Variants in ZNF157 observed in about 807,000 individuals in gnomAD.
The protein encoded by ZNF157 is zinc finger protein 157.
A neutral mutation model predicts 9.4 loss-of-function variants in ZNF157; 8 were observed. That is an observed-to-expected ratio of 0.85 (90% CI 0.50 to 1.53). ZNF157 has a LOEUF of 1.53. ZNF157 is among the 40% of genes most tolerant of loss of function. The pLI is 0.00. For missense variants in ZNF157, 316 were observed against 385.2 expected, an observed-to-expected ratio of 0.82 and a Z score of 1.50; for synonymous variants, 120 against 130.8, an observed-to-expected ratio of 0.92 and a Z score of 0.56.
Position 47,410,357 on chromosome X carries a change from C to T in ZNF157, c.154C>T (p.His52Tyr). 1 of 1,211,503 alleles carries T rather than the reference C, an allele frequency of 8.3e-7. No individual in the cohort carries two copies. The highest frequency in any genetic ancestry group is 1.1e-6 in the Non-Finnish European group (1 of 895,384). ...ACTGGACCCTGCTCAGAGGACCATG[C>T]ACAAGGATGTGATGCTGGAGACCTA... ...HRLDPAQRTM[H>Y]KDVMLETYSN... is the part of the protein sequence containing the mutation. Residue 52 changes from histidine (H) to tyrosine (Y), a missense_variant, in exon 2 of 4, where the codon CAC (histidine) becomes TAC (tyrosine). Physicochemically the swap from His to Tyr is moderately conservative, Grantham distance 83. This residue lies in a region of ZNF157 where 146 missense variants were observed against 183.8 expected (regional missense o/e 0.79). Transcript: ENST00000377073.
At chrX:47,403,408 A>G (rs1248561997) in intron 1 of ZNF157, among the ~76,000 whole-genome samples, 1 of 110,706 alleles carries the variant, frequency 9.0e-6, no homozygotes, top group Non-Finnish European at 1.9e-5. Flanking sequence ...ATCTCGGCTC[A>G]CTGGAACCTC....
chrX:47,406,590 G>A (rs778499788), intron 1 of ZNF157, among the ~76,000 whole-genome samples: 85 of 111,717 alleles, frequency 7.6e-4, no homozygotes, highest in African/African-American at 2.7e-3. Flanking sequence ...GGCTAGGCTG[G>A]TCTTGAACTC....
chrX:47,403,765 G>A (rs1050384280), intron 1 of ZNF157, among the ~76,000 whole-genome samples: 3 of 112,260 alleles, frequency 2.7e-5, no homozygotes, highest in African/African-American at 9.7e-5. Context: ...ACTTGACAAG[G>A]ATTTTAAAGC....
intron 3 of ZNF157, among the ~76,000 whole-genome samples, chrX:47,411,461 C>T (rs1285503733): frequency 9.0e-6 from 1 of 110,770 alleles, no homozygotes; most frequent in Non-Finnish European, 1.9e-5. Context: ...TTTAAACGAC[C>T]TTTCCAGGGC....
intron 1 of ZNF157, among the ~76,000 whole-genome samples, chrX:47,382,002 C>T (rs927019416): frequency 9.0e-6 from 1 of 111,557 alleles, no homozygotes; most frequent in Non-Finnish European, 1.9e-5. Context: ...TTCGGAAAGG[C>T]GGGACAACTT....
In ZNF157 at chrX:47,403,104, T is replaced by TACAC. The variant is rs201573538; in HGVS notation, c.73-7154_73-7151dup. 5.1e-3 allele frequency among the ~76,000 whole-genome samples: 511 copies of TACAC among 100,239 alleles called. 2 individuals carry two copies. The highest frequency in any genetic ancestry group is 0.012 in the African/African-American group (342 of 27,817). The allele number at this position is 100,239 out of a possible 115,157, so 87.0% of individuals were successfully genotyped here. On this transcript the variant is annotated intron_variant, in intron 1 of 3. Transcript: ENST00000377073. The stretch of plus-strand genomic sequence containing the variant: ...GGTGAAACCCTGTCTCTACTGAAAA[T>TACAC]ACACACACACACACACACACAAATT...
At chrX:47,406,033 A>G (rs1043186517) in intron 1 of ZNF157, among the ~76,000 whole-genome samples, 1 of 105,424 alleles carries the variant, frequency 9.5e-6, no homozygotes, top group Admixed American at 1.1e-4. Flanking sequence ...AGTCCATTGT[A>G]TCATTCTTAT....
At chrX:47,370,775 C>T in intron 1 of ZNF157, 35 bp downstream of exon 1, 1 of 1,057,015 alleles carries the variant, frequency 9.5e-7, no homozygotes. Flanking sequence ...TCTATATGTT[C>T]TTTATTTTTT....
intron 1 of ZNF157, 140 bp downstream of exon 1, chrX:47,370,880 G>T (rs190949460): frequency 2.0e-6 from 1 of 499,197 alleles, no homozygotes; most frequent in East Asian, 4.1e-5. Context: ...GTAACATCTC[G>T]TAATACCCAG....
chrX:47,403,360 T>A (rs2055936617), intron 1 of ZNF157, among the ~76,000 whole-genome samples: 1 of 110,421 alleles, frequency 9.1e-6, no homozygotes, highest in African/African-American at 3.3e-5. Flanking sequence ...TGAGATGGGG[T>A]CTCACTCTTG....
rs2055976244 is a variant in ZNF157, at chrX:47,414,226, G to T, written c.*632G>T. On this transcript the variant is annotated 3_prime_UTR_variant, in exon 4 of 4. Coordinates refer to ENST00000377073, the MANE Select transcript of ZNF157 (RefSeq NM_003446.4). ...GGGGTTTCACCATGTTGGCCAGGCT[G>T]GTCTCTAACTCCTGACCTCAGGTGA... 9.0e-6 allele frequency: 1 copy of T among 110,655 alleles called. No homozygotes were observed. Among genetic ancestry groups the T allele is most frequent in the African/African-American group, 3.3e-5 (1 of 30,462 alleles). 9.1% of individuals were successfully genotyped at this position (110,655 alleles called of 1,213,427 possible). A position where few individuals can be genotyped will look rare whatever the true frequency, so the allele number is the denominator to read the frequency against.
chrX:47,410,727 G>A lies in ZNF157; in HGVS notation c.247G>A (p.Glu83Lys). ...GATGATCTTCAAGTTGGAGCGAGGA[G>A]AAGAGCTGTGGATATTAGAGGAGGA... is the stretch of plus-strand genomic sequence containing the variant. The part of the protein sequence containing the change: ...PEMIFKLERG[E>K]ELWILEEESS... Residue 83 changes from glutamate (E) to lysine (K), a missense_variant, in exon 3 of 4, where the codon GAA becomes AAA. Physicochemically the swap from Glu to Lys is moderately conservative, Grantham distance 56. Around this residue, in one of 3 missense-constraint regions of ZNF157, gnomAD observed 146 missense variants for 183.8 expected, o/e 0.79. Transcript: ENST00000377073. 1 of 1,207,923 alleles carries A rather than the reference G, an allele frequency of 8.3e-7. No homozygotes were observed.
intron 1 of ZNF157, among the ~76,000 whole-genome samples, chrX:47,405,991 C>T (rs894348381): frequency 2.1e-5 from 2 of 94,978 alleles, no homozygotes; most frequent in Non-Finnish European, 4.5e-5. Context: ...TCTTTTATCC[C>T]TACCCCCCTA....
chrX:47,410,911 G>A (rs1243301035), intron 3 of ZNF157, 136 bp downstream of exon 3: 3 of 493,968 alleles, frequency 6.1e-6, no homozygotes, highest in South Asian at 8.1e-5. Flanking sequence ...AAATAAGGAC[G>A]GAAGGTCTAC....
chrX:47,393,707 C>T (rs1428944769), intron 1 of ZNF157, among the ~76,000 whole-genome samples: 2 of 105,990 alleles, frequency 1.9e-5, no homozygotes, highest in African/African-American at 3.4e-5. Context: ...CTGGGACTAC[C>T]GGATTGAGCT....
Position 47,377,503 on chromosome X carries a change from G to A in ZNF157, c.72+6763G>A, listed in dbSNP as rs751004911. Among the ~76,000 whole-genome samples, 17 of 109,953 alleles carry A rather than the reference G, an allele frequency of 1.5e-4. No individual in the cohort carries two copies. In the East Asian group the frequency reaches 4.8e-3, roughly 31 times the overall value. ...CAGTGCAGTGGTATGATCACAGCTC[G>A]CTGGAGCCTCAACCTCCCCAGGTTC... On this transcript the variant is annotated intron_variant, in intron 1 of 3. Transcript: ENST00000377073.
intron 1 of ZNF157, among the ~76,000 whole-genome samples, chrX:47,386,534 G>A (rs746179446): frequency 2.7e-5 from 3 of 110,157 alleles, no homozygotes; most frequent in South Asian, 3.9e-4. Context: ...ATCTCGGCTT[G>A]CTGCAACCTT....
chrX:47,404,320 A>G (rs1569260310), intron 1 of ZNF157, among the ~76,000 whole-genome samples: 1 of 108,073 alleles, frequency 9.3e-6, no homozygotes. Flanking sequence ...GCGCACCACC[A>G]TGCCCTGCTA....
intron 1 of ZNF157, among the ~76,000 whole-genome samples, chrX:47,403,654 T>C (rs1328361997): frequency 1.8e-5 from 2 of 111,358 alleles, no homozygotes; most frequent in South Asian, 7.5e-4. Context: ...TTACTCATTA[T>C]ACAAAAATCC....
Sources: allele counts gnomAD v4.1 joint callset (sites outside exome capture counted in the v4.1 genomes callset), GRCh38; gene constraint gnomAD v4.1.1; regional missense constraint gnomAD v4.1.1; transcripts MANE v1.5; gene names NCBI Gene and HGNC (gene_info 2026-07-23, HGNC 2026-07-21).